CR1: variants seen among roughly 807,000 people sequenced by gnomAD.
The protein encoded by CR1 is complement receptor type 1.
CR1 carries 116 observed loss-of-function variants against 187.3 expected under a neutral mutation model. The ratio of observed to expected loss-of-function variants is 0.62; its 90% confidence interval spans 0.53 to 0.72. The LOEUF is 0.72. CR1 is among the 30% of genes least tolerant of loss of function. The pLI is 0.00. For missense variants in CR1, 1,731 were observed against 2,110.7 expected, an observed-to-expected ratio of 0.82 and a Z score of 3.52; for synonymous variants, 576 against 747.1, an observed-to-expected ratio of 0.77 and a Z score of 3.73.
chr1:207,588,414 G>T (rs774001178), intron 34 of CR1, among the ~76,000 whole-genome samples: 1 of 152,124 alleles, frequency 6.6e-6, no homozygotes, highest in Non-Finnish European at 1.5e-5. Context: ...CAGGTGATCT[G>T]CCGGCCTCGG....
At chr1:207,506,891 C>G in intron 3 of CR1, 78 bp downstream of exon 3, 1 of 1,170,962 alleles carries the variant, frequency 8.5e-7, no homozygotes, top group Non-Finnish European at 1.2e-6. Context: ...AGTCACATGT[C>G]AGAAAGGACA....
intron 40 of CR1, among the ~76,000 whole-genome samples, chr1:207,615,512 C>A (rs1196854670): frequency 6.6e-6 from 1 of 152,116 alleles, no homozygotes; most frequent in African/African-American, 2.4e-5. Flanking sequence ...TGCCAAAATT[C>A]AGAAAAAATT....
At chr1:207,620,106 G>A (rs757809144) in intron 43 of CR1, 41 bp downstream of exon 43, 67 of 1,571,874 alleles carry the variant, frequency 4.3e-5, no homozygotes, top group Admixed American at 1.5e-4. Context: ...TCCCGGTCAT[G>A]GTTATTGCTC....
chr1:207,506,781 C>G lies in CR1; in HGVS notation c.369C>G (p.Phe123Leu). The G allele has an allele frequency of 6.2e-7, 1 of 1,613,504 alleles. No individual in the cohort carries two copies. The highest frequency in any genetic ancestry group is 1.6e-4 in the Middle Eastern group (1 of 6,062). Reference sequence around the variant, plus strand: ...TGCATGTGATCAAAGGCATCCAGTTCGGATCCCAAATTAAATATTCTTGTA... The same window carrying G: ...TGCATGTGATCAAAGGCATCCAGTTGGGATCCCAAATTAAATATTCTTGTA... ...GMVHVIKGIQFGSQIKYSCTK... is the reference protein window; with the variant it reads ...GMVHVIKGIQLGSQIKYSCTK... The change falls in exon 3 of 47, where the codon TTC becomes TTG. Residue 123 changes from phenylalanine (F) to leucine (L), a missense_variant. Transcript: ENST00000367049.
At chr1:207,606,155 G>A (rs1169333342) in intron 35 of CR1, among the ~76,000 whole-genome samples, 2 of 152,154 alleles carry the variant, frequency 1.3e-5, no homozygotes, top group Admixed American at 6.6e-5. Flanking sequence ...TTCAAAATGA[G>A]AGCCCATCTT....
In CR1 at chr1:207,506,083, C is replaced by T. The variant is rs756455451; in HGVS notation, c.301C>T (p.Arg101Cys). 1.3e-5 allele frequency: 21 copies of T among 1,612,510 alleles called. No homozygotes were observed. The highest frequency in any genetic ancestry group is 3.3e-5 in the Admixed American group (2 of 59,722). ...GACTGGTGCTAAGGACAGGTGCAGACGTAAGTAACTCTGGAGTGGGAACCC... is the reference window on the plus strand; with the variant it reads ...GACTGGTGCTAAGGACAGGTGCAGATGTAAGTAACTCTGGAGTGGGAACCC... Reference protein sequence around the residue: ...VWTGAKDRCRRKSCRNPPDPV... With the variant: ...VWTGAKDRCRCKSCRNPPDPV... Residue 101 changes from arginine to cysteine, a missense_variant and splice_region_variant, in exon 2 of 47, where the codon CGT (arginine) becomes TGT (cysteine). Transcript: ENST00000367049.
chr1:207,596,385 G>A (rs113724458), intron 35 of CR1, among the ~76,000 whole-genome samples: 1,881 of 151,904 alleles, frequency 0.012, 44 homozygotes, highest in African/African-American at 0.043. Flanking sequence ...AGGCTGAGGC[G>A]GGCAGAACAC....
Position 207,619,864 on chromosome 1 carries a change from AT to A in CR1, c.7067-13del. The A allele has an allele frequency of 1.3e-6, 2 of 1,554,546 alleles. No homozygotes were observed. The highest frequency in any genetic ancestry group is 1.7e-6 in the Non-Finnish European group (2 of 1,149,382). On this transcript the variant is annotated splice_polypyrimidine_tract_variant and intron_variant, in intron 42 of 46. Coordinates refer to ENST00000367049, the MANE Select transcript of CR1 (RefSeq NM_000651.6). Reference sequence around the variant, plus strand: ...ACAATAAAATATCAATTTCTTTCTGATTTGTCTAATTTCAGAAGTAAATTGT... The same window carrying A: ...ACAATAAAATATCAATTTCTTTCTGATTGTCTAATTTCAGAAGTAAATTGT...
intron 45 of CR1, among the ~76,000 whole-genome samples, chr1:207,627,251 C>A (rs1483075203): frequency 6.6e-6 from 1 of 152,112 alleles, no homozygotes; most frequent in Non-Finnish European, 1.5e-5. Context: ...TAGCCTTATT[C>A]TCTTTTATTA....
rs530056269 is a variant in CR1 at position 207,515,124 on chromosome 1, C to T, written c.487+3470C>T. 2.2e-3 allele frequency among the ~76,000 whole-genome samples: 230 copies of T among 103,436 alleles called. 4 individuals carry two copies. Among genetic ancestry groups the T allele is most frequent in the South Asian group, 0.017 (35 of 2,100 alleles). 67.9% of individuals were successfully genotyped at this position (103,436 alleles called of 152,430 possible). A position where few individuals can be genotyped will look rare whatever the true frequency, so the allele number is the denominator to read the frequency against. On this transcript the variant is annotated intron_variant, in intron 4 of 46. Transcript: ENST00000367049. The stretch of plus-strand genomic sequence containing the variant: ...GTATATATGTACGTATATATACATA[C>T]GTACGTATATATACGTGTATACGTA...
intron 46 of CR1, among the ~76,000 whole-genome samples, chr1:207,637,942 T>G (rs1360607169): frequency 2.6e-5 from 4 of 152,244 alleles, no homozygotes; most frequent in Non-Finnish European, 5.9e-5. Flanking sequence ...CCATGTCTTA[T>G]TTTTATTATC....
rs534535627 is a variant in CR1, at chr1:207,627,568, A to G, written c.7353-2949A>G. Among the ~76,000 whole-genome samples, 7 of 152,336 alleles carry G rather than the reference A, an allele frequency of 4.6e-5. No individual in the cohort carries two copies. In the East Asian group the frequency reaches 1.3e-3, roughly 29 times the overall value. Reference sequence around the variant, plus strand: ...ATACCAACTGTCTCAGTCTGTTGGTATATATACTTGGGCAGTTATAACAGA... The same window carrying G: ...ATACCAACTGTCTCAGTCTGTTGGTGTATATACTTGGGCAGTTATAACAGA... On this transcript the variant is annotated intron_variant, in intron 45 of 46. Transcript: ENST00000367049.
Position 207,584,856 on chromosome 1 carries a change from G to A in CR1, c.5510G>A (p.Cys1837Tyr). 1 of 1,613,964 alleles carries A rather than the reference G, an allele frequency of 6.2e-7. No homozygotes were observed. ...NGVWSSPAPR[C>Y]ELSVRAGHCK... Reference sequence around the variant, plus strand: ...GTTTGGAGCAGCCCTGCCCCTCGCTGTGAACTTTCTGTTCGTGCTGGTCAG... The same window carrying A: ...GTTTGGAGCAGCCCTGCCCCTCGCTATGAACTTTCTGTTCGTGCTGGTCAG... Residue 1837 changes from cysteine to tyrosine, a missense_variant, in exon 33 of 47, where the codon TGT becomes TAT. Transcript: ENST00000367049.
Position 207,587,330 on chromosome 1 carries a change from A to T in CR1, c.5531-56A>T, listed in dbSNP as rs114796225. The T allele has an allele frequency of 4.2e-6, 6 of 1,438,932 alleles. No individual in the cohort carries two copies. In the African/African-American group the frequency reaches 8.5e-5, roughly 20 times the overall value. The allele number at this position is 1,438,932 out of a possible 1,614,324, so 89.1% of individuals were successfully genotyped here. A position where few individuals can be genotyped will look rare whatever the true frequency, so the allele number is the denominator to read the frequency against. ...ATCAGCTTAATTGAAGAGAAAGAGG[A>T]GGTAGGGTGGAAGTCTCTCTGCTAA... is the stretch of plus-strand genomic sequence containing the variant. On this transcript the variant is annotated intron_variant, in intron 33 of 46. Transcript: ENST00000367049.
intron 35 of CR1, among the ~76,000 whole-genome samples, chr1:207,596,769 G>A (rs1358468787): frequency 6.8e-6 from 1 of 147,196 alleles, no homozygotes; most frequent in Non-Finnish European, 1.5e-5. Context: ...AAGCACAGGG[G>A]GAAGGTTTCA....
intron 35 of CR1, among the ~76,000 whole-genome samples, chr1:207,593,545 A>G (rs1240905027): frequency 6.6e-6 from 1 of 152,260 alleles, no homozygotes; most frequent in Non-Finnish European, 1.5e-5. Context: ...GGACATAGGC[A>G]TGGGCAAAGA....
chr1:207,502,199 G>T (rs1299884759), intron 1 of CR1, among the ~76,000 whole-genome samples: 1 of 152,120 alleles, frequency 6.6e-6, no homozygotes, highest in Non-Finnish European at 1.5e-5. Context: ...TTTAAATTAT[G>T]CATATCTAAT....
Position 207,515,509 on chromosome 1 carries a change from AG to A in CR1, c.487+3856del, listed in dbSNP as rs571579658. 3.6e-4 allele frequency among the ~76,000 whole-genome samples: 55 copies of A among 152,062 alleles called. 1 individual carries two copies. The South Asian group carries it at 0.011, about 32-fold the overall frequency. On this transcript the variant is annotated intron_variant, in intron 4 of 46. Transcript: ENST00000367049. ...CACTATTCTGATTTATAACACTAATAGTTTTGTTGCTTCCTAAATTTTATAT... is the reference window on the plus strand; with the variant it reads ...CACTATTCTGATTTATAACACTAATATTTTGTTGCTTCCTAAATTTTATAT...
rs1256878310 is a variant in CR1, at chr1:207,496,380, T to C, written c.113T>C (p.Val38Ala). ...LAVVVLLALPVAWGQCNAPEW... is the reference protein window; with the variant it reads ...LAVVVLLALPAAWGQCNAPEW... ...GTTGTGGTGCTGCTTGCGCTGCCGGTGGCCTGGGGTGAGAGGCGGGCGGGC... is the reference window on the plus strand; with the variant it reads ...GTTGTGGTGCTGCTTGCGCTGCCGGCGGCCTGGGGTGAGAGGCGGGCGGGC... The change falls in exon 1 of 47, where the codon GTG (valine) becomes GCG (alanine). Residue 38 changes from valine to alanine, a missense_variant. Around this residue, in one of 5 missense-constraint regions of CR1, gnomAD observed 237 missense variants for 240.4 expected, o/e 0.99. Coordinates refer to ENST00000367049, the MANE Select transcript of CR1 (RefSeq NM_000651.6). The C allele has an allele frequency of 6.2e-6, 10 of 1,609,812 alleles. No homozygotes were observed. In the Admixed American group the frequency reaches 1.5e-4, roughly 24 times the overall value.
Sources: gnomAD v4.1 joint callset for allele counts (sites outside exome capture counted in the v4.1 genomes callset) on GRCh38, gnomAD v4.1.1 for gene constraint, gnomAD v4.1.1 regional missense constraint, MANE v1.5 for transcripts, NCBI Gene and HGNC (gene_info 2026-07-23, HGNC 2026-07-21) for gene names.